HEMK2: variants seen among roughly 807,000 people sequenced by gnomAD.
HEMK2 encodes methyltransferase HEMK2.
chr21:28,588,839 C>T, the HEMK2 span, among the ~76,000 whole-genome samples: 3 of 151,738 alleles, frequency 2.0e-5, no homozygotes, highest in Non-Finnish European at 4.4e-5. Context: ...AAAAATTAGC[C>T]GGGCGTTGTG....
the HEMK2 span, among the ~76,000 whole-genome samples, chr21:28,608,587 A>T: frequency 6.6e-6 from 1 of 152,182 alleles, no homozygotes; most frequent in Non-Finnish European, 1.5e-5. Context: ...TGGCTATTGC[A>T]GGCTCTGTGA....
the HEMK2 span, among the ~76,000 whole-genome samples, chr21:28,778,742 C>T: frequency 6.6e-6 from 1 of 152,240 alleles, no homozygotes; most frequent in South Asian, 2.1e-4. Flanking sequence ...TTTATTCATG[C>T]CTTTTGCCCT....
the HEMK2 span, among the ~76,000 whole-genome samples, chr21:28,818,834 C>T: frequency 2.6e-5 from 4 of 152,116 alleles, no homozygotes; most frequent in African/African-American, 7.2e-5. Context: ...CAAATCATGT[C>T]GGATCATTCC....
the HEMK2 span, among the ~76,000 whole-genome samples, chr21:28,744,137 T>C: frequency 2.0e-5 from 3 of 152,080 alleles, no homozygotes; most frequent in Non-Finnish European, 4.4e-5. Context: ...AACTATCTGA[T>C]ACTATGCTTA....
the HEMK2 span, among the ~76,000 whole-genome samples, chr21:28,867,103 T>C: frequency 6.6e-6 from 1 of 152,190 alleles, no homozygotes; most frequent in Non-Finnish European, 1.5e-5. Flanking sequence ...AATTTGGCAT[T>C]ATCAGGTAAA....
chr21:28,881,785 C>T, the HEMK2 span, among the ~76,000 whole-genome samples: 10 of 152,058 alleles, frequency 6.6e-5, no homozygotes, highest in Non-Finnish European at 1.3e-4. Context: ...GTGCGCACAA[C>T]CATGTCCAGC....
At chr21:28,722,593 A>T in the HEMK2 span, among the ~76,000 whole-genome samples, 2,223 of 152,304 alleles carry the variant, frequency 0.015, 54 homozygotes, top group African/African-American at 0.051. Context: ...GAAGAAAGGC[A>T]TCCATAGGCC....
chr21:28,604,378 T>C, the HEMK2 span, among the ~76,000 whole-genome samples: 1 of 152,078 alleles, frequency 6.6e-6, no homozygotes, highest in Non-Finnish European at 1.5e-5. Flanking sequence ...AACCTGCACA[T>C]TGTGCACATG....
At chr21:28,671,726 C>T in the HEMK2 span, among the ~76,000 whole-genome samples, 1 of 152,166 alleles carries the variant, frequency 6.6e-6, no homozygotes, top group Non-Finnish European at 1.5e-5. Flanking sequence ...TTCCATAAAT[C>T]TCGTTTACAC....
At chr21:28,805,194 G>A in the HEMK2 span, among the ~76,000 whole-genome samples, 29 of 152,260 alleles carry the variant, frequency 1.9e-4, no homozygotes, top group Admixed American at 3.3e-4. Flanking sequence ...CTATAAAGCC[G>A]ACTTTATCAC....
chr21:28,663,044 G>T, the HEMK2 span, among the ~76,000 whole-genome samples: 1 of 152,108 alleles, frequency 6.6e-6, no homozygotes, highest in Admixed American at 6.5e-5. Flanking sequence ...CAACTTCAGT[G>T]GGAGATAAAG....
the HEMK2 span, among the ~76,000 whole-genome samples, chr21:28,704,635 A>G: frequency 6.6e-6 from 1 of 152,082 alleles, no homozygotes; most frequent in Non-Finnish European, 1.5e-5. Flanking sequence ...TGGACACAGA[A>G]GGGAACAACC....
At chr21:28,597,000 C>A in the HEMK2 span, among the ~76,000 whole-genome samples, 43 of 152,190 alleles carry the variant, frequency 2.8e-4, no homozygotes, top group Non-Finnish European at 5.4e-4. Flanking sequence ...CAGATCCCAG[C>A]CCTCTATTAA....
At chr21:28,665,777 A>G in the HEMK2 span, among the ~76,000 whole-genome samples, 1 of 152,042 alleles carries the variant, frequency 6.6e-6, no homozygotes, top group Admixed American at 6.6e-5. Flanking sequence ...CTATAAAGAC[A>G]CATGCACACG....
chr21:28,838,972 AATATATATATATATATATAT>A, the HEMK2 span, among the ~76,000 whole-genome samples: 2 of 29,164 alleles, frequency 6.9e-5, no homozygotes, highest in Non-Finnish European at 1.1e-4. Flanking sequence ...AAAAAAAAAA[AATATATATATATATATATAT>A]ATATATATAC....
chr21:28,871,619 A>G, the HEMK2 span, among the ~76,000 whole-genome samples: 2 of 151,882 alleles, frequency 1.3e-5, no homozygotes, highest in Non-Finnish European at 2.9e-5. Flanking sequence ...CTACTGTAAC[A>G]GTGTCACCAA....
the HEMK2 span, among the ~76,000 whole-genome samples, chr21:28,860,255 TAAAAG>T: frequency 6.6e-6 from 1 of 151,756 alleles, no homozygotes; most frequent in Non-Finnish European, 1.5e-5. Flanking sequence ...GGCAGAAAAA[TAAAAG>T]GAGAGACTGG....
the HEMK2 span, among the ~76,000 whole-genome samples, chr21:28,793,546 T>TTCATACACA: frequency 6.6e-6 from 1 of 152,218 alleles, no homozygotes; most frequent in Admixed American, 6.5e-5. Context: ...TATGAAATAG[T>TTCATACACA]TCATACACAT....
chr21:28,668,429 C>G, the HEMK2 span, among the ~76,000 whole-genome samples: 8 of 152,122 alleles, frequency 5.3e-5, no homozygotes, highest in African/African-American at 1.4e-4. Flanking sequence ...TATAACATCG[C>G]TCAAAGGCTG....
Sources: allele counts gnomAD v4.1 joint callset (sites outside exome capture counted in the v4.1 genomes callset), GRCh38; gene constraint gnomAD v4.1.1; transcripts MANE v1.5; gene names NCBI Gene and HGNC (gene_info 2026-07-23, HGNC 2026-07-21).